The following TMEM132B variants were observed in gnomAD, a reference collection of about 807,000 sequenced individuals.
TMEM132B encodes the protein transmembrane protein 132B.
A neutral mutation model predicts 90.8 loss-of-function variants in TMEM132B; 18 were observed. The ratio of observed to expected loss-of-function variants is 0.20; its 90% confidence interval spans 0.14 to 0.29. The LOEUF (loss-of-function observed/expected upper bound fraction) is 0.29, where lower values mean the gene tolerates loss of function less well. Among genes scored for constraint, TMEM132B ranks in the 10% least tolerant of loss-of-function variants. The pLI, the probability that TMEM132B is intolerant of heterozygous loss-of-function variation, is 1.00. For missense variants in TMEM132B, 1,096 were observed against 1,326.8 expected (o/e 0.83, Z 2.70); for synonymous variants, 504 against 523.3 (o/e 0.96, Z 0.50).
chr12:125,635,601 C>G (rs1886461930), intron 5 of TMEM132B, among the ~76,000 whole-genome samples: 1 of 152,156 alleles, frequency 6.6e-6, no homozygotes, highest in East Asian at 1.9e-4. Flanking sequence ...ACAGTAAACA[C>G]AGGTGTGCAT....
chr12:125,611,122 C>G (rs1294319760), intron 5 of TMEM132B, among the ~76,000 whole-genome samples: 1 of 152,020 alleles, frequency 6.6e-6, no homozygotes, highest in Non-Finnish European at 1.5e-5. Context: ...GTCAGTTTCA[C>G]CAATTTTTAT....
At chr12:125,636,698 C>T (rs1413884812) in intron 5 of TMEM132B, among the ~76,000 whole-genome samples, 1 of 152,172 alleles carries the variant, frequency 6.6e-6, no homozygotes, top group Non-Finnish European at 1.5e-5. Context: ...ATACTTCTGT[C>T]TGAAGACTAA....
chr12:125,247,016 A>G lies in TMEM132B; in HGVS notation c.67+60150A>G, dbSNP rs1270287246. ...TTTAGAAGACATTAAATCAAATAAA[A>G]GGAATCTGAGAGGGGACCCTCCCCT... On this transcript the variant is annotated intron_variant, in intron 1 of 8. Coordinates refer to ENST00000682704, the MANE Select transcript of TMEM132B (RefSeq NM_001366854.1). Among the ~76,000 whole-genome samples, 8 of 152,194 alleles carry G rather than the reference A, an allele frequency of 5.3e-5. No homozygotes were observed. In the East Asian group the frequency reaches 1.2e-3, roughly 22 times the overall value.
rs150191386 is a variant in TMEM132B, at chr12:125,638,721, AAC to A, written c.1438-5351_1438-5350del. 2.4e-3 allele frequency among the ~76,000 whole-genome samples: 368 copies of A among 152,284 alleles called. 2 individuals carry two copies. The highest frequency in any genetic ancestry group is 5.4e-3 in the Admixed American group (83 of 15,272). On this transcript the variant is annotated intron_variant, in intron 5 of 8. Coordinates refer to ENST00000682704, the MANE Select transcript of TMEM132B (RefSeq NM_001366854.1). ...AGGCAGGTGGGTCAACAGTGTGGCA[AAC>A]ACAGAGGGTGGCTGATGCACAGATT...
At position 125,325,965 on chromosome 12, in the gene TMEM132B, TTG is replaced by T. The variant is rs1410377590; in HGVS notation, c.68-23486_68-23485del. On this transcript the variant is annotated intron_variant, in intron 1 of 8. Coordinates refer to ENST00000682704, the MANE Select transcript of TMEM132B (RefSeq NM_001366854.1). The stretch of plus-strand genomic sequence containing the variant: ...GACCGAGTTTCTTTGACTTCCTGGT[TTG>T]CTTTTCATGGTGTTGACCCCACTCC... Among the ~76,000 whole-genome samples the T allele has an allele frequency of 8.3e-3, 1,266 of 152,264 alleles. 10 individuals carry two copies. The highest frequency in any genetic ancestry group is 0.029 in the African/African-American group (1,185 of 41,550).
intron 1 of TMEM132B, among the ~76,000 whole-genome samples, chr12:125,208,995 T>G (rs888378712): frequency 2.0e-5 from 3 of 152,178 alleles, no homozygotes; most frequent in African/African-American, 4.8e-5. Context: ...GCGTCCCCTC[T>G]GAGTGCTGCG....
intron 4 of TMEM132B, among the ~76,000 whole-genome samples, chr12:125,577,872 A>T (rs2136851114): frequency 6.6e-6 from 1 of 152,194 alleles, no homozygotes; most frequent in South Asian, 2.1e-4. Context: ...TTGGTTGTTT[A>T]AAAGAGGATT....
intron 3 of TMEM132B, among the ~76,000 whole-genome samples, chr12:125,417,455 C>A (rs1880048172): frequency 6.6e-6 from 1 of 152,012 alleles, no homozygotes; most frequent in East Asian, 1.9e-4. Flanking sequence ...ACTGGGTGGT[C>A]AGCTCACAGT....
intron 4 of TMEM132B, among the ~76,000 whole-genome samples, chr12:125,532,651 A>T (rs1883675010): frequency 6.6e-6 from 1 of 151,622 alleles, no homozygotes; most frequent in South Asian, 2.1e-4. Flanking sequence ...AGTAGCTGGG[A>T]TTATAGGTGT....
At chr12:125,545,616 G>A (rs1421691341) in intron 4 of TMEM132B, among the ~76,000 whole-genome samples, 1 of 152,228 alleles carries the variant, frequency 6.6e-6, no homozygotes, top group Non-Finnish European at 1.5e-5. Context: ...ACTGTGTACA[G>A]TGTGACTGTG....
intron 1 of TMEM132B, among the ~76,000 whole-genome samples, chr12:125,283,129 A>C (rs1355042725): frequency 6.6e-6 from 1 of 152,080 alleles, no homozygotes; most frequent in Non-Finnish European, 1.5e-5. Context: ...CTTTAACATG[A>C]GCCCCCTTTT....
Position 125,586,567 on chromosome 12 carries a change from A to C in TMEM132B, c.1437+2573A>C, listed in dbSNP as rs1174244735. On this transcript the variant is annotated intron_variant, in intron 5 of 8. Transcript: ENST00000682704. ...TTTTAAATTGTGTACTGTTCTGAGT[A>C]TCGTGAAGAAATCTTGAGTCTTCCT... 2.0e-5 allele frequency: 3 copies of C among 152,380 alleles called. No homozygotes were observed. The East Asian group carries it at 5.8e-4, about 29-fold the overall frequency. 9.4% of individuals were successfully genotyped at this position (152,380 alleles called of 1,614,324 possible). A position where few individuals can be genotyped will look rare whatever the true frequency, so the allele number is the denominator to read the frequency against.
intron 4 of TMEM132B, among the ~76,000 whole-genome samples, chr12:125,522,063 C>T (rs1883321283): frequency 6.6e-6 from 1 of 152,178 alleles, no homozygotes; most frequent in South Asian, 2.1e-4. Flanking sequence ...AGTCTCGTTC[C>T]TCTCAGGTCT....
chr12:125,499,335 C>T (rs2136591615), intron 3 of TMEM132B, among the ~76,000 whole-genome samples: 1 of 152,254 alleles, frequency 6.6e-6, no homozygotes, highest in East Asian at 1.9e-4. Flanking sequence ...TAGGGAGAAC[C>T]CCTGAGACTA....
At chr12:125,297,172 G>A (rs1875692431) in intron 1 of TMEM132B, among the ~76,000 whole-genome samples, 1 of 152,200 alleles carries the variant, frequency 6.6e-6, no homozygotes, top group Admixed American at 6.5e-5. Context: ...AGCATTGGAT[G>A]GCTTTTCCTA....
intron 2 of TMEM132B, among the ~76,000 whole-genome samples, chr12:125,357,385 C>T (rs1165794304): frequency 6.6e-6 from 1 of 152,116 alleles, no homozygotes; most frequent in Non-Finnish European, 1.5e-5. Context: ...CCATCATGTG[C>T]CACCTTCATA....
At position 125,415,393 on chromosome 12, in the gene TMEM132B, C is replaced by T. The variant is rs1054402578; in HGVS notation, c.960-138C>T. The T allele has an allele frequency of 1.3e-5, 15 of 1,115,336 alleles. No homozygotes were observed. The highest frequency in any genetic ancestry group is 1.7e-5 in the Non-Finnish European group (14 of 802,874). 69.1% of individuals were successfully genotyped at this position (1,115,336 alleles called of 1,614,324 possible). A position where few individuals can be genotyped will look rare whatever the true frequency, so the allele number is the denominator to read the frequency against. On this transcript the variant is annotated intron_variant, in intron 2 of 8. Coordinates refer to ENST00000682704, the MANE Select transcript of TMEM132B (RefSeq NM_001366854.1). This position sits in a 1 kb window ranked among gnomAD's most constrained non-coding sequence, Gnocchi z 5.3. ...TAAAGGAAAGCCACTTGCCACCACT[C>T]TCCCCCACATCTCCCAGAGGAAGGG... is the stretch of plus-strand genomic sequence containing the variant.
At chr12:125,381,216 C>T (rs186952904) in intron 2 of TMEM132B, among the ~76,000 whole-genome samples, 1 of 152,298 alleles carries the variant, frequency 6.6e-6, no homozygotes, top group East Asian at 1.9e-4. Context: ...TGGTCCAAGG[C>T]CCCACTCTCC....
chr12:125,319,544 A>T (rs1285523140), intron 1 of TMEM132B, among the ~76,000 whole-genome samples: 1 of 152,180 alleles, frequency 6.6e-6, no homozygotes, highest in African/African-American at 2.4e-5. Flanking sequence ...ACACATCCAC[A>T]GCTGATGGTG....
Sources: allele counts gnomAD v4.1 joint callset (sites outside exome capture counted in the v4.1 genomes callset), GRCh38; gene constraint gnomAD v4.1.1; non-coding constraint Gnocchi (gnomAD v3.1); transcripts MANE v1.5; gene names NCBI Gene and HGNC (gene_info 2026-07-23, HGNC 2026-07-21).